PCDHGA10: variants seen among roughly 807,000 people sequenced by gnomAD.
PCDHGA10 encodes protocadherin gamma subfamily A, 10.
PCDHGA10 carries 42 observed loss-of-function variants against 59.5 expected under a neutral mutation model. That is an observed-to-expected ratio of 0.71 (90% CI 0.55 to 0.91). The LOEUF is 0.91. PCDHGA10 is among the 40% of genes least tolerant of loss of function. PCDHGA10 has a pLI of 0.00. For missense variants in PCDHGA10, 1,111 were observed against 1,198.2 expected (o/e 0.93, Z 1.07); for synonymous variants, 511 against 517.2 (o/e 0.99, Z 0.16).
intron 3 of PCDHGA10, among the ~76,000 whole-genome samples, chr5:141,508,506 C>G (rs2099869342): frequency 6.6e-6 from 1 of 152,180 alleles, no homozygotes; most frequent in Admixed American, 6.5e-5. Context: ...TCTCTCCCTC[C>G]TGGTCCAGCC....
At chr5:141,451,712 C>G (rs769620335) in intron 1 of PCDHGA10, among the ~76,000 whole-genome samples, 2 of 151,994 alleles carry the variant, frequency 1.3e-5, no homozygotes, top group African/African-American at 4.8e-5. Context: ...CAAAACCCTG[C>G]CTCTACTAAA....
chr5:141,417,821 A>G (rs769813917), intron 1 of PCDHGA10: 1 of 1,514,942 alleles, frequency 6.6e-7, no homozygotes, highest in African/African-American at 1.4e-5. Flanking sequence ...ACTTTCTCCA[A>G]CTGGAAAAGC....
rs1055042563 is a variant in PCDHGA10, at chr5:141,512,805, C to G, written c.*1632C>G. On this transcript the variant is annotated 3_prime_UTR_variant, in exon 4 of 4. Coordinates refer to ENST00000398610, the MANE Select transcript of PCDHGA10 (RefSeq NM_018913.3). ...TGTTGTGTTTTGTGCTGTGTCCACG[C>G]GCTAAGGCGACCCCCTCCCCCGTAC... 3.0e-4 allele frequency: 46 copies of G among 152,378 alleles called. No individual in the cohort carries two copies. Among genetic ancestry groups the G allele is most frequent in the African/African-American group, 9.9e-4 (41 of 41,570 alleles). The allele number at this position is 152,378 out of a possible 1,614,324, so 9.4% of individuals were successfully genotyped here.
At position 141,491,658 on chromosome 5, in the gene PCDHGA10, C is replaced by A; in HGVS notation, c.2437-3149C>A. 1 of 1,613,822 alleles carries A rather than the reference C, an allele frequency of 6.2e-7. No homozygotes were observed. The highest frequency in any genetic ancestry group is 8.5e-7 in the Non-Finnish European group (1 of 1,180,016). On this transcript the variant is annotated intron_variant, in intron 1 of 3. Coordinates refer to ENST00000398610, the MANE Select transcript of PCDHGA10 (RefSeq NM_018913.3). The surrounding 1 kb of genome is among the most constrained non-coding windows in gnomAD (Gnocchi z 6.9). ...CCACAGCTCTGGCGCTGGAGCCTGA[C>A]GCCATCCGGTCCCGCTCTAATACGC... is the stretch of plus-strand genomic sequence containing the variant.
intron 1 of PCDHGA10, 138 bp from the exon 2 acceptor site, chr5:141,494,669 T>A: frequency 6.5e-7 from 1 of 1,527,472 alleles, no homozygotes; most frequent in South Asian, 1.2e-5. Context: ...TGGAGATGAG[T>A]CCACCCCTGC....
intron 1 of PCDHGA10, chr5:141,428,284 G>A (rs762469333): frequency 4.2e-5 from 31 of 734,822 alleles, no homozygotes. Flanking sequence ...TGATTCCCAA[G>A]CAAAGCTGCA....
At position 141,413,736 on chromosome 5, in the gene PCDHGA10, G is replaced by A. The variant is rs189162146; in HGVS notation, c.561G>A (p.Gln187=). The A allele has an allele frequency of 1.9e-4, 309 of 1,613,452 alleles. No individual in the cohort carries two copies. In the African/African-American group the frequency reaches 3.0e-3, roughly 16 times the overall value. The change falls in exon 1 of 4, where the codon CAG becomes CAA. Residue 187 remains glutamine (Q), a synonymous_variant. Coordinates refer to ENST00000398610, the MANE Select transcript of PCDHGA10 (RefSeq NM_018913.3). ...SPNKHFSLRV[Q]SRANGVKYPE... is the part of the protein sequence containing the mutation. Reference sequence around the variant, plus strand: ...ATAAGCACTTCTCCCTAAGAGTTCAGAGCCGTGCCAATGGCGTCAAGTACC... The same window carrying A: ...ATAAGCACTTCTCCCTAAGAGTTCAAAGCCGTGCCAATGGCGTCAAGTACC...
chr5:141,502,679 T>C (rs943238781), intron 2 of PCDHGA10, among the ~76,000 whole-genome samples: 1 of 152,236 alleles, frequency 6.6e-6, no homozygotes, highest in Non-Finnish European at 1.5e-5. Flanking sequence ...TAGTATTCCC[T>C]GATGATCCTT....
chr5:141,490,157 G>A lies in PCDHGA10; in HGVS notation c.2437-4650G>A. 6.2e-7 allele frequency: 1 copy of A among 1,614,210 alleles called. No homozygotes were observed. On this transcript the variant is annotated intron_variant, in intron 1 of 3. Transcript: ENST00000398610. The surrounding 1 kb of genome is among the most constrained non-coding windows in gnomAD (Gnocchi z 5.4). ...AGCAGTGGGGCAATCCATGTGTTGG[G>A]TCCCATAGACTTTGAGGAGTCACGT...
intron 1 of PCDHGA10, among the ~76,000 whole-genome samples, chr5:141,452,585 G>A (rs1310395736): frequency 6.6e-6 from 1 of 151,984 alleles, no homozygotes; most frequent in Non-Finnish European, 1.5e-5. Context: ...TTCCATCTTT[G>A]TATTTTTATT....
chr5:141,468,648 C>G (rs60206946), intron 1 of PCDHGA10: 27,626 of 151,800 alleles, frequency 0.18, 2,687 homozygotes, highest in Admixed American at 0.28. Flanking sequence ...GGGCGGATCA[C>G]AAGGTCAGGA....
In PCDHGA10 at chr5:141,485,179, C is replaced by G. The variant is rs1405000217; in HGVS notation, c.2437-9628C>G. The G allele has an allele frequency of 1.2e-6, 2 of 1,612,648 alleles. No homozygotes were observed. Among genetic ancestry groups the G allele is most frequent in the African/African-American group, 2.7e-5 (2 of 74,924 alleles). ...AGAATTAGCGGGCGGCAGCAATGCT[C>G]CGCAAGGTGAGAAGCTGGACAGAAA... is the stretch of plus-strand genomic sequence containing the variant. On this transcript the variant is annotated intron_variant, in intron 1 of 3. Transcript: ENST00000398610. This position sits in a 1 kb window ranked among gnomAD's most constrained non-coding sequence, Gnocchi z 5.7.
At chr5:141,460,965 G>A (rs1398642676) in intron 1 of PCDHGA10, among the ~76,000 whole-genome samples, 21 of 114,476 alleles carry the variant, frequency 1.8e-4, no homozygotes, top group African/African-American at 8.5e-4. Flanking sequence ...ATATATATGT[G>A]TGTGTGTGTG....
chr5:141,421,233 G>T (rs201076931), intron 1 of PCDHGA10: 2 of 1,592,240 alleles, frequency 1.3e-6, no homozygotes, highest in Non-Finnish European at 1.7e-6. Flanking sequence ...CTGCCATGGC[G>T]AATCGGCTAC....
intron 1 of PCDHGA10, among the ~76,000 whole-genome samples, chr5:141,492,854 G>A (rs1361942466): frequency 6.6e-6 from 1 of 152,212 alleles, no homozygotes; most frequent in Non-Finnish European, 1.5e-5. Flanking sequence ...AAAGCCTCGA[G>A]CGCCCTGGCT....
In PCDHGA10 at chr5:141,414,721, G is replaced by A. The variant is rs373261988; in HGVS notation, c.1546G>A (p.Gly516Ser). The change falls in exon 1 of 4, where the codon GGC becomes AGC. Residue 516 changes from glycine to serine, a missense_variant. Transcript: ENST00000398610. ...SSYISINSDT[G>S]VLYALRSFDY... The stretch of plus-strand genomic sequence containing the variant: ...ATACATATCCATCAACTCAGACACT[G>A]GCGTCCTGTATGCACTCAGATCCTT... 29 of 1,614,004 alleles carry A rather than the reference G, an allele frequency of 1.8e-5. No individual in the cohort carries two copies. Among genetic ancestry groups the A allele is most frequent in the Middle Eastern group, 1.6e-4 (1 of 6,084 alleles).
intron 2 of PCDHGA10, among the ~76,000 whole-genome samples, chr5:141,503,340 T>A (rs1394172617): frequency 6.6e-6 from 1 of 152,064 alleles, no homozygotes; most frequent in African/African-American, 2.4e-5. Flanking sequence ...CTCACGCCTG[T>A]AATTCCAGCA....
rs2095852502 is a variant in PCDHGA10, at chr5:141,415,306, T to G, written c.2131T>G (p.Phe711Val). 1.2e-6 allele frequency: 2 copies of G among 1,614,222 alleles called. No homozygotes were observed. Among genetic ancestry groups the G allele is most frequent in the Non-Finnish European group, 8.5e-7 (1 of 1,180,038 alleles). ...CGCGGTCTCCTGCGTCTTCCTGGCC[T>G]TCGTCATCGTGCTGCTGGCGCACAG... ...VAAVSCVFLAFVIVLLAHRLR... is the reference protein window; with the variant it reads ...VAAVSCVFLAVVIVLLAHRLR... Residue 711 changes from phenylalanine (F) to valine (V), a missense_variant, in exon 1 of 4, where the codon TTC becomes GTC. Physicochemically the swap from Phe to Val is conservative, Grantham distance 50 (BLOSUM62 -1). Transcript: ENST00000398610.
intron 1 of PCDHGA10, chr5:141,420,995 C>T (rs1448491394): frequency 2.0e-6 from 1 of 503,150 alleles, no homozygotes; most frequent in East Asian, 3.3e-5. Flanking sequence ...CGCCGCTGCT[C>T]ACCAATCAGG....
Sources: gnomAD v4.1 joint callset for allele counts (sites outside exome capture counted in the v4.1 genomes callset) on GRCh38, gnomAD v4.1.1 for gene constraint, Gnocchi (gnomAD v3.1) non-coding constraint, MANE v1.5 for transcripts, NCBI Gene and HGNC (gene_info 2026-07-23, HGNC 2026-07-21) for gene names.